The following ZBTB25 variants were observed in gnomAD, a reference collection of about 807,000 sequenced individuals.
ZBTB25 encodes the protein zinc finger and BTB domain-containing protein 25.
In ZBTB25, 20 loss-of-function variants were observed where a neutral mutation model predicts 34.2. That is an observed-to-expected ratio of 0.58 (90% CI 0.41 to 0.85). The LOEUF (loss-of-function observed/expected upper bound fraction) is 0.85, where lower values mean the gene tolerates loss of function less well. Ranked by LOEUF, ZBTB25 falls within the 40% of genes least tolerant of loss-of-function variation. ZBTB25 has a pLI of 0.00. For missense variants in ZBTB25, 437 were observed against 521.8 expected (o/e 0.84, Z 1.58); for synonymous variants, 175 against 186.4 (o/e 0.94, Z 0.50).
chr14:64,504,441 T>C (rs10133696), upstream of ZBTB25: 35,253 of 153,662 alleles, frequency 0.23, 4,741 homozygotes, highest in Non-Finnish European at 0.31. Context: ...GGAGCCCAGT[T>C]CCATCCAGCT....
intron 2 of ZBTB25, chr14:64,472,570 A>C (rs1485170862): frequency 6.0e-6 from 1 of 167,002 alleles, no homozygotes; most frequent in Non-Finnish European, 1.5e-5. Flanking sequence ...ACTTGCATTC[A>C]TTCTTAAGAG....
Position 64,490,503 on chromosome 14 carries a change from GA to G in ZBTB25, c.30del (p.Leu11SerfsTer4). 2 of 1,613,600 alleles carry G rather than the reference GA, an allele frequency of 1.2e-6. No individual in the cohort carries two copies. Among genetic ancestry groups the G allele is most frequent in the Non-Finnish European group, 1.7e-6 (2 of 1,179,700 alleles). ...TCTCGCTGCATGTTCAGCTGCTGGA[GA>G]AGAACAAGGCTATGGCTGGCAGTGT... is the stretch of plus-strand genomic sequence containing the variant. MDTASHSLV[L>X]LQQLNMQREF... On this transcript the variant is annotated frameshift_variant, in exon 2 of 3. Coordinates refer to ENST00000608382, the MANE Select transcript of ZBTB25 (RefSeq NM_006977.5). LOFTEE classifies it high-confidence loss of function.
At chr14:64,464,185 G>A (rs1407485975) in intron 2 of ZBTB25, among the ~76,000 whole-genome samples, 3 of 141,570 alleles carry the variant, frequency 2.1e-5, no homozygotes, top group African/African-American at 5.0e-5. Context: ...GGGACCATAC[G>A]TGCACCACCA....
chr14:64,450,465 A>G (rs1430894209), intron 2 of ZBTB25, among the ~76,000 whole-genome samples: 1 of 152,182 alleles, frequency 6.6e-6, no homozygotes. Context: ...ATCACTAAGC[A>G]AATTAAATTA....
chr14:64,459,120 C>G (rs753392513), intron 2 of ZBTB25, among the ~76,000 whole-genome samples: 1 of 152,170 alleles, frequency 6.6e-6, no homozygotes, highest in Non-Finnish European at 1.5e-5. Flanking sequence ...AACATGTGCT[C>G]ACACCTAGCC....
chr14:64,470,367 A>C (rs2141004907), intron 2 of ZBTB25: 1 of 165,820 alleles, frequency 6.0e-6, no homozygotes, highest in African/African-American at 2.4e-5. Context: ...AGGCGGGTGG[A>C]TCAGCTAAGG....
chr14:64,505,000 G>C (rs181685058), upstream of ZBTB25: 428 of 390,910 alleles, frequency 1.1e-3, 3 homozygotes, highest in East Asian at 0.015. Context: ...CAGGCCGGAG[G>C]GCGACGGGCC....
chr14:64,491,262 T>C (rs1292693580), intron 1 of ZBTB25, among the ~76,000 whole-genome samples: 1 of 152,190 alleles, frequency 6.6e-6, no homozygotes, highest in African/African-American at 2.4e-5. Context: ...GCCCAGGTAT[T>C]GGAGACCAAC....
intron 1 of ZBTB25, among the ~76,000 whole-genome samples, chr14:64,496,822 T>C (rs1566614601): frequency 6.6e-6 from 1 of 152,222 alleles, no homozygotes. Context: ...TATTGACCCA[T>C]GAAACCTCCA....
At chr14:64,505,005 C>T, upstream of ZBTB25, 1 of 388,968 alleles carries the variant, frequency 2.6e-6, no homozygotes. Flanking sequence ...CGGAGGGCGA[C>T]GGGCCGCGGG....
intron 2 of ZBTB25, chr14:64,467,570 A>T (rs1329673052): frequency 6.6e-6 from 1 of 152,106 alleles, no homozygotes; most frequent in East Asian, 1.9e-4. Flanking sequence ...ACATTTTTAG[A>T]ACAGAAACCT....
At position 64,478,173 on chromosome 14, in the gene ZBTB25, T is replaced by A. The variant is rs1325769112; in HGVS notation, c.*8750A>T. ...AGTGGGCTCATTTTCCAAGTTGGCTTATCAGCTGTAAAATAAACTTAGGAG... is the reference window on the plus strand; with the variant it reads ...AGTGGGCTCATTTTCCAAGTTGGCTAATCAGCTGTAAAATAAACTTAGGAG... On this transcript the variant is annotated 3_prime_UTR_variant, in exon 3 of 3. Coordinates refer to ENST00000608382, the MANE Select transcript of ZBTB25 (RefSeq NM_006977.5). 1 of 152,214 alleles carries A rather than the reference T, an allele frequency of 6.6e-6. No homozygotes were observed. Among genetic ancestry groups the A allele is most frequent in the African/African-American group, 2.4e-5 (1 of 41,448 alleles). 9.4% of individuals were successfully genotyped at this position (152,214 alleles called of 1,614,324 possible).
Position 64,485,003 on chromosome 14 carries a change from A to T in ZBTB25, c.*1920T>A. 1 of 985,378 alleles carries T rather than the reference A, an allele frequency of 1.0e-6. No individual in the cohort carries two copies. Among genetic ancestry groups the T allele is most frequent in the Non-Finnish European group, 1.2e-6 (1 of 829,856 alleles). The allele number at this position is 985,378 out of a possible 1,614,324, so 61.0% of individuals were successfully genotyped here. A position where few individuals can be genotyped will look rare whatever the true frequency, so the allele number is the denominator to read the frequency against. On this transcript the variant is annotated 3_prime_UTR_variant, in exon 3 of 3. Transcript: ENST00000608382. ...AATACAATTGATCTTATCAAGTTAG[A>T]TGTGCTCTCAACACACATCAGTCTT...
At chr14:64,460,083 C>A in intron 2 of ZBTB25, 2 of 656,590 alleles carry the variant, frequency 3.0e-6, no homozygotes, top group Non-Finnish European at 5.1e-6. Context: ...GCTCATTTGT[C>A]AGGCAGACCC....
At chr14:64,489,069 A>G (rs945123624) in intron 2 of ZBTB25, among the ~76,000 whole-genome samples, 1 of 152,144 alleles carries the variant, frequency 6.6e-6, no homozygotes, top group Admixed American at 6.5e-5. Flanking sequence ...CAACATGGTG[A>G]AACCCTGTCT....
At chr14:64,469,196 T>G in intron 2 of ZBTB25, 1 of 1,614,108 alleles carries the variant, frequency 6.2e-7, no homozygotes, top group Non-Finnish European at 8.5e-7. Context: ...TGTTCCTCCT[T>G]TACCTGCAAT....
downstream of ZBTB25, among the ~76,000 whole-genome samples, chr14:64,475,269 C>G (rs180859932): frequency 1.3e-5 from 2 of 152,048 alleles, no homozygotes; most frequent in South Asian, 4.1e-4. Flanking sequence ...GAAACCCCGT[C>G]TCTACTAAAA....
intron 1 of ZBTB25, 149 bp downstream of exon 1, chr14:64,503,512 G>C: frequency 1.0e-6 from 1 of 985,772 alleles, no homozygotes; most frequent in Non-Finnish European, 1.2e-6. Flanking sequence ...TGCCCTGCCT[G>C]ACATCTCAAT....
At chr14:64,463,380 C>T (rs74832298) in intron 2 of ZBTB25, 4,929 of 152,182 alleles carry the variant, frequency 0.032, 135 homozygotes, top group Middle Eastern at 0.051. Flanking sequence ...TCAGGGATGA[C>T]TTGTTTGTAA....
Sources: gnomAD v4.1 joint callset for allele counts (sites outside exome capture counted in the v4.1 genomes callset) on GRCh38, gnomAD v4.1.1 for gene constraint, MANE v1.5 for transcripts, NCBI Gene and HGNC (gene_info 2026-07-23, HGNC 2026-07-21) for gene names.